Variants in DLGAP2 observed in about 807,000 individuals in gnomAD.
DLGAP2 encodes DLG associated protein 2, also known as disks large-associated protein 2.
A neutral mutation model predicts 100.3 loss-of-function variants in DLGAP2; 26 were observed. The ratio of observed to expected loss-of-function variants is 0.26; its 90% CI spans 0.19 to 0.36. The LOEUF is 0.36. Ranked by LOEUF, DLGAP2 falls within the 10% of genes least tolerant of loss-of-function variation. The pLI is 1.00. For missense variants in DLGAP2, 1,858 were observed against 1,453.2 expected, an observed-to-expected ratio of 1.28 and a Z score of -4.53; for synonymous variants, 886 against 630.1, an observed-to-expected ratio of 1.41 and a Z score of -6.08.
chr8:1,624,737 G>A (rs538791767), intron 6 of DLGAP2, among the ~76,000 whole-genome samples: 10 of 152,096 alleles, frequency 6.6e-5, no homozygotes, highest in African/African-American at 9.6e-5. Context: ...AGAGCTGCCC[G>A]TCCCACTGCC....
intron 4 of DLGAP2, among the ~76,000 whole-genome samples, chr8:1,511,606 C>T (rs559996673): frequency 1.4e-4 from 21 of 151,300 alleles, no homozygotes; most frequent in African/African-American, 4.9e-4. Context: ...CTTCCATGGA[C>T]GTAAGGTCTG....
chr8:928,422 C>T (rs1035725954), intron 2 of DLGAP2, among the ~76,000 whole-genome samples: 1 of 152,074 alleles, frequency 6.6e-6, no homozygotes, highest in African/African-American at 2.4e-5. Context: ...TTTACTGTGC[C>T]CTTAGTGTAT....
intron 1 of DLGAP2, among the ~76,000 whole-genome samples, chr8:776,187 G>C (rs1265854690): frequency 6.6e-6 from 1 of 151,046 alleles, no homozygotes; most frequent in African/African-American, 2.4e-5. Flanking sequence ...CTGTGGGATT[G>C]GTGGTGATAT....
At chr8:1,063,828 C>A (rs775754288) in intron 2 of DLGAP2, among the ~76,000 whole-genome samples, 2 of 152,128 alleles carry the variant, frequency 1.3e-5, no homozygotes, top group East Asian at 1.9e-4. Flanking sequence ...CCTCTCCACA[C>A]GGAGGTTTAG....
At chr8:1,326,244 C>T (rs1379778184) in intron 3 of DLGAP2, among the ~76,000 whole-genome samples, 6 of 152,184 alleles carry the variant, frequency 3.9e-5, no homozygotes, top group Non-Finnish European at 7.3e-5. Flanking sequence ...AATAAAAGGG[C>T]ATTTAACTTG....
chr8:779,950 G>A (rs563379141), intron 1 of DLGAP2, among the ~76,000 whole-genome samples: 10 of 152,306 alleles, frequency 6.6e-5, no homozygotes, highest in Middle Eastern at 3.4e-3. Context: ...TGGGGAAAGA[G>A]TCAAGCTAGC....
intron 8 of DLGAP2, among the ~76,000 whole-genome samples, chr8:1,658,088 G>T (rs937478590): frequency 6.6e-5 from 10 of 152,128 alleles, no homozygotes; most frequent in African/African-American, 2.2e-4. Flanking sequence ...GGTTAGACCA[G>T]ATGTGACATT....
At chr8:1,513,601 A>T (rs927985264) in intron 4 of DLGAP2, among the ~76,000 whole-genome samples, 2 of 152,180 alleles carry the variant, frequency 1.3e-5, no homozygotes, top group African/African-American at 4.8e-5. Flanking sequence ...TGAATTTCTA[A>T]CCTAAAAATT....
chr8:792,477 G>A (rs1795935413), intron 1 of DLGAP2, among the ~76,000 whole-genome samples: 1 of 152,194 alleles, frequency 6.6e-6, no homozygotes, highest in African/African-American at 2.4e-5. Context: ...AATAAAAACG[G>A]TTCTAATGTT....
intron 2 of DLGAP2, among the ~76,000 whole-genome samples, chr8:1,075,489 G>T (rs539266082): frequency 6.6e-6 from 1 of 152,232 alleles, no homozygotes; most frequent in Admixed American, 6.5e-5. Context: ...TCCCTCTACT[G>T]TCCTCTTCTG....
chr8:1,584,128 T>C (rs377251610), intron 6 of DLGAP2, among the ~76,000 whole-genome samples: 35 of 152,338 alleles, frequency 2.3e-4, no homozygotes, highest in African/African-American at 8.4e-4. Context: ...GCGCCTTCAC[T>C]GTGAGGCATT....
At chr8:1,104,095 C>T (rs1385539716) in intron 2 of DLGAP2, among the ~76,000 whole-genome samples, 1 of 152,210 alleles carries the variant, frequency 6.6e-6, no homozygotes. Flanking sequence ...GATGTGTGCA[C>T]GTTTCCTTCA....
At chr8:885,869 G>A (rs1009292820) in intron 1 of DLGAP2, among the ~76,000 whole-genome samples, 18 of 152,164 alleles carry the variant, frequency 1.2e-4, no homozygotes, top group African/African-American at 4.3e-4. Context: ...TTCTTTTATT[G>A]TTGTGTCTCT....
chr8:1,484,734 A>G (rs1379215057), intron 3 of DLGAP2, among the ~76,000 whole-genome samples: 2 of 152,230 alleles, frequency 1.3e-5, no homozygotes, highest in Non-Finnish European at 2.9e-5. Context: ...GAAAAATTAA[A>G]CCAACCATAG....
At chr8:1,577,333 C>G (rs533888988) in intron 6 of DLGAP2, among the ~76,000 whole-genome samples, 1 of 152,232 alleles carries the variant, frequency 6.6e-6, no homozygotes, top group East Asian at 1.9e-4. Context: ...CTTTGGGAGG[C>G]CAAGGTGGGC....
intron 9 of DLGAP2, 31 bp downstream of exon 9, chr8:1,668,709 C>G (rs913923380): frequency 1.3e-6 from 2 of 1,487,446 alleles, no homozygotes; most frequent in South Asian, 1.3e-5. Flanking sequence ...GTCAGGGCCT[C>G]GCTCCACTCA....
intron 2 of DLGAP2, among the ~76,000 whole-genome samples, chr8:996,079 G>A (rs917000489): frequency 7.2e-5 from 11 of 152,134 alleles, no homozygotes; most frequent in African/African-American, 1.4e-4. Flanking sequence ...CCACAACACC[G>A]TTTAAAGTAG....
intron 3 of DLGAP2, among the ~76,000 whole-genome samples, chr8:1,495,680 C>G (rs1388978574): frequency 6.6e-6 from 1 of 152,142 alleles, no homozygotes; most frequent in Non-Finnish European, 1.5e-5. Flanking sequence ...ACATCTTTGC[C>G]TCGCAGGATG....
chr8:1,468,911 C>G (rs527803419), intron 3 of DLGAP2, among the ~76,000 whole-genome samples: 1 of 152,168 alleles, frequency 6.6e-6, no homozygotes, highest in Non-Finnish European at 1.5e-5. Flanking sequence ...TGTGCTCACT[C>G]CAGCCTCTCT....
Sources: allele counts gnomAD v4.1 joint callset (sites outside exome capture counted in the v4.1 genomes callset), GRCh38; gene constraint gnomAD v4.1.1; transcripts MANE v1.5; gene names NCBI Gene and HGNC (gene_info 2026-07-23, HGNC 2026-07-21).